Variants in TMEM64 observed in about 807,000 individuals in gnomAD.
The protein encoded by TMEM64 is transmembrane protein 64.
A neutral mutation model predicts 24.5 loss-of-function variants in TMEM64; 19 were observed. The ratio of observed to expected loss-of-function variants is 0.78; its 90% CI spans 0.54 to 1.14. TMEM64 has a LOEUF of 1.14. Ranked by LOEUF, TMEM64 falls within the 50% of genes most tolerant of loss-of-function variation. The pLI, the probability that TMEM64 is intolerant of heterozygous loss-of-function variation, is 0.00. For synonymous variants in TMEM64, 262 were observed against 224.7 expected (o/e 1.17, Z -1.49); for missense variants, 487 against 493.0 (o/e 0.99, Z 0.12).
intron 1 of TMEM64, among the ~76,000 whole-genome samples, chr8:90,642,392 A>T (rs769382016): frequency 1.6e-4 from 24 of 152,188 alleles, no homozygotes; most frequent in Middle Eastern, 3.4e-3. Flanking sequence ...GGGCACACAA[A>T]AAAAATGAGT....
At chr8:90,632,302 A>G (rs1231321892) in intron 1 of TMEM64, among the ~76,000 whole-genome samples, 1 of 151,460 alleles carries the variant, frequency 6.6e-6, no homozygotes, top group African/African-American at 2.4e-5. Flanking sequence ...ACATGCCGCC[A>G]CACCGCTACT....
At chr8:90,644,628 T>G (rs930790697) in intron 1 of TMEM64, among the ~76,000 whole-genome samples, 6 of 152,342 alleles carry the variant, frequency 3.9e-5, no homozygotes, top group Admixed American at 1.3e-4. Flanking sequence ...ATTTCAAATT[T>G]AGCAAACTCC....
chr8:90,626,819 G>A (rs1378678282), intron 2 of TMEM64, among the ~76,000 whole-genome samples: 4 of 151,646 alleles, frequency 2.6e-5, no homozygotes, highest in Admixed American at 6.6e-5. Flanking sequence ...TAGTAGAGAC[G>A]GGATTTTACC....
Position 90,622,258 on chromosome 8 carries a change from T to C in TMEM64, c.*3413A>G, listed in dbSNP as rs1164252759. The C allele has an allele frequency of 6.6e-6, 1 of 152,222 alleles. No homozygotes were observed. The highest frequency in any genetic ancestry group is 2.4e-5 in the African/African-American group (1 of 41,462). The allele number at this position is 152,222 out of a possible 1,614,324, so 9.4% of individuals were successfully genotyped here. A position where few individuals can be genotyped will look rare whatever the true frequency, so the allele number is the denominator to read the frequency against. Reference sequence around the variant, plus strand: ...CTGTGGAACAGTGATTCCTCTCCCTTCTAATGGCTTTTCAGATTAAAGCAA... The same window carrying C: ...CTGTGGAACAGTGATTCCTCTCCCTCCTAATGGCTTTTCAGATTAAAGCAA... On this transcript the variant is annotated 3_prime_UTR_variant, in exon 3 of 3. Transcript: ENST00000458549.
rs1809305311 is a variant in TMEM64 at position 90,623,156 on chromosome 8, T to C, written c.*2515A>G. On this transcript the variant is annotated 3_prime_UTR_variant, in exon 3 of 3. Transcript: ENST00000458549. Reference sequence around the variant, plus strand: ...CATATTTCATAGGATTCAGAAATTATATATCATTTTTAAGTGTGCATTAAG... The same window carrying C: ...CATATTTCATAGGATTCAGAAATTACATATCATTTTTAAGTGTGCATTAAG... 6.6e-6 allele frequency: 1 copy of C among 152,164 alleles called. No individual in the cohort carries two copies. The highest frequency in any genetic ancestry group is 2.4e-5 in the African/African-American group (1 of 41,446). 9.4% of individuals were successfully genotyped at this position (152,164 alleles called of 1,614,324 possible).
chr8:90,631,520 AAAAAAGAGAC>A, intron 2 of TMEM64, 22 bp downstream of exon 2: 1 of 1,468,040 alleles, frequency 6.8e-7, no homozygotes, highest in Non-Finnish European at 9.2e-7. Flanking sequence ...AACAGAGAGA[AAAAAAGAGAC>A]AACCCTTGGC....
At chr8:90,635,896 C>G (rs576923493) in intron 1 of TMEM64, among the ~76,000 whole-genome samples, 3 of 152,228 alleles carry the variant, frequency 2.0e-5, no homozygotes, top group African/African-American at 7.2e-5. Flanking sequence ...TGTAATGAAG[C>G]TTCTCTAAAT....
chr8:90,634,792 A>G (rs1280527247), intron 1 of TMEM64, among the ~76,000 whole-genome samples: 1 of 152,216 alleles, frequency 6.6e-6, no homozygotes, highest in Non-Finnish European at 1.5e-5. Flanking sequence ...TATTACTGGT[A>G]TATAAGAAAG....
At chr8:90,637,187 T>C (rs930371787) in intron 1 of TMEM64, among the ~76,000 whole-genome samples, 1 of 152,182 alleles carries the variant, frequency 6.6e-6, no homozygotes, top group Non-Finnish European at 1.5e-5. Flanking sequence ...AACACAGCAT[T>C]TCTGGAGCTG....
chr8:90,643,318 A>G (rs554636589), intron 1 of TMEM64, among the ~76,000 whole-genome samples: 2 of 152,332 alleles, frequency 1.3e-5, no homozygotes, highest in Admixed American at 1.3e-4. Context: ...GCTCTGCTGC[A>G]TGTATTCATC....
chr8:90,635,311 T>A (rs10094321), intron 1 of TMEM64, among the ~76,000 whole-genome samples: 5,630 of 152,202 alleles, frequency 0.037, 295 homozygotes, highest in African/African-American at 0.13. Flanking sequence ...ATAGATAGGA[T>A]GAGGAAGGCA....
intron 1 of TMEM64, among the ~76,000 whole-genome samples, chr8:90,635,367 C>CATTTT (rs540790616): frequency 0.052 from 7,820 of 149,290 alleles, 315 homozygotes; most frequent in African/African-American, 0.1. Flanking sequence ...GCTTCCAAAT[C>CATTTT]ATTTTATTTT....
chr8:90,638,968 C>G (rs75949566), intron 1 of TMEM64, among the ~76,000 whole-genome samples: 1,987 of 152,228 alleles, frequency 0.013, 37 homozygotes, highest in African/African-American at 0.045. Context: ...CAGGCACATA[C>G]TAGGCACCTA....
At chr8:90,641,063 A>G (rs540931403) in intron 1 of TMEM64, among the ~76,000 whole-genome samples, 7 of 152,196 alleles carry the variant, frequency 4.6e-5, no homozygotes, top group Non-Finnish European at 8.8e-5. Context: ...TAAAAATACA[A>G]GATATATGTG....
Position 90,645,832 on chromosome 8 carries a change from G to C in TMEM64, c.74C>G (p.Ala25Gly), listed in dbSNP as rs1456166264. Residue 25 changes from alanine (A) to glycine (G), a missense_variant, in exon 1 of 3, where the codon GCC becomes GGC. Physicochemically the swap from Ala to Gly is moderately conservative, Grantham distance 60. Transcript: ENST00000458549. The surrounding 1 kb of genome is among the most constrained non-coding windows in gnomAD (Gnocchi z 4.2). The stretch of plus-strand genomic sequence containing the variant: ...CAGGGCCCAGCGGGCCGGCAGCTCG[G>C]CGAGGCCCGGGAGGGCGGCGTGCTG... ...LLQHAALPGL[A>G]ELPARWALPR... is the part of the protein sequence containing the mutation. The C allele has an allele frequency of 1.8e-6, 2 of 1,083,424 alleles. No individual in the cohort carries two copies. The highest frequency in any genetic ancestry group is 2.2e-6 in the Non-Finnish European group (2 of 894,022). 67.1% of individuals were successfully genotyped at this position (1,083,424 alleles called of 1,614,324 possible). A position where few individuals can be genotyped will look rare whatever the true frequency, so the allele number is the denominator to read the frequency against.
rs577582733 is a variant in TMEM64 at position 90,640,027 on chromosome 8, A to T, written c.795+5084T>A. Among the ~76,000 whole-genome samples the T allele has an allele frequency of 3.9e-5, 6 of 152,320 alleles. No individual in the cohort carries two copies. In the South Asian group the frequency reaches 1.0e-3, roughly 26 times the overall value. Reference sequence around the variant, plus strand: ...TAAAGAGACACAAAGAGGGGAAAACAGTTTCAAGGAAATAAAGGTCAACTG... The same window carrying T: ...TAAAGAGACACAAAGAGGGGAAAACTGTTTCAAGGAAATAAAGGTCAACTG... On this transcript the variant is annotated intron_variant, in intron 1 of 2. Coordinates refer to ENST00000458549, the MANE Select transcript of TMEM64 (RefSeq NM_001008495.4).
chr8:90,625,660 T>A lies in TMEM64; in HGVS notation c.*11A>T. The stretch of plus-strand genomic sequence containing the variant: ...ACACTAGGCTCTTGACAATCACGTA[T>A]CTCATTAGAATCATACAACATTGAT... On this transcript the variant is annotated 3_prime_UTR_variant, in exon 3 of 3. Transcript: ENST00000458549. The A allele has an allele frequency of 3.1e-6, 5 of 1,609,936 alleles. No individual in the cohort carries two copies. The highest frequency in any genetic ancestry group is 4.2e-6 in the Non-Finnish European group (5 of 1,177,272).
chr8:90,628,388 G>C (rs989069068), intron 2 of TMEM64, among the ~76,000 whole-genome samples: 3 of 152,156 alleles, frequency 2.0e-5, no homozygotes, highest in Non-Finnish European at 2.9e-5. Context: ...AATAAAGATG[G>C]AAACAGGCGA....
chr8:90,625,943 A>C (rs1809352816), intron 2 of TMEM64, 81 bp from the exon 3 acceptor site: 2 of 1,070,236 alleles, frequency 1.9e-6, no homozygotes, highest in Admixed American at 2.6e-5. Context: ...TTTGGCTTAG[A>C]AATGCTTCAA....
Sources: allele counts gnomAD v4.1 joint callset (sites outside exome capture counted in the v4.1 genomes callset), GRCh38; gene constraint gnomAD v4.1.1; non-coding constraint Gnocchi (gnomAD v3.1); transcripts MANE v1.5; gene names NCBI Gene and HGNC (gene_info 2026-07-23, HGNC 2026-07-21).